The following KCNIP4 variants were observed in gnomAD, a reference collection of about 807,000 sequenced individuals.
The protein encoded by KCNIP4 is potassium voltage-gated channel interacting protein 4.
In KCNIP4, 12 loss-of-function variants were observed where a neutral mutation model predicts 34.0. That is an observed-to-expected ratio of 0.35 (90% CI 0.23 to 0.57). The LOEUF (loss-of-function observed/expected upper bound fraction) is 0.57. Among genes scored for constraint, KCNIP4 ranks in the 20% least tolerant of loss-of-function variants. The pLI, the probability that KCNIP4 is intolerant of heterozygous loss-of-function variation, is 0.83. For missense variants in KCNIP4, 238 were observed against 311.7 expected (o/e 0.76, Z 1.78); for synonymous variants, 124 against 102.2 (o/e 1.21, Z -1.29).
At chr4:21,070,844 T>G (rs1457342858) in intron 1 of KCNIP4, among the ~76,000 whole-genome samples, 3 of 151,362 alleles carry the variant, frequency 2.0e-5, no homozygotes, top group African/African-American at 7.3e-5. Context: ...CACGGCTAAT[T>G]TTTTGTATTT....
intron 1 of KCNIP4, among the ~76,000 whole-genome samples, chr4:21,147,741 C>T (rs887812066): frequency 1.3e-5 from 2 of 151,626 alleles, no homozygotes; most frequent in Non-Finnish European, 2.9e-5. Context: ...GAGTTCGAGA[C>T]CAGCCTGACC....
At chr4:21,375,042 A>T (rs776732582) in intron 1 of KCNIP4, among the ~76,000 whole-genome samples, 1 of 147,874 alleles carries the variant, frequency 6.8e-6, no homozygotes, top group African/African-American at 2.7e-5. Flanking sequence ...TAGGGGAACA[A>T]AAAGCATTTA....
intron 1 of KCNIP4, among the ~76,000 whole-genome samples, chr4:21,753,689 T>C (rs1424266195): frequency 1.3e-5 from 2 of 152,160 alleles, no homozygotes; most frequent in Non-Finnish European, 2.9e-5. Flanking sequence ...AAGCCCGGAC[T>C]CGTCTTCGAA....
At chr4:21,842,587 A>T (rs1317621732) in intron 1 of KCNIP4, among the ~76,000 whole-genome samples, 1 of 152,132 alleles carries the variant, frequency 6.6e-6, no homozygotes, top group East Asian at 1.9e-4. Flanking sequence ...TTTATGTACA[A>T]ATATTTTAAC....
intron 1 of KCNIP4, among the ~76,000 whole-genome samples, chr4:20,897,361 T>G (rs1346692162): frequency 1.3e-5 from 2 of 152,058 alleles, no homozygotes; most frequent in Admixed American, 1.3e-4. Flanking sequence ...CCTTACCTCC[T>G]TCAGGTCTTT....
intron 1 of KCNIP4, among the ~76,000 whole-genome samples, chr4:21,863,492 C>T (rs1288608982): frequency 6.6e-6 from 1 of 152,086 alleles, no homozygotes; most frequent in Non-Finnish European, 1.5e-5. Flanking sequence ...CAATCAGTGC[C>T]CTGCCGCTAT....
At chr4:20,892,845 G>C (rs926853771) in intron 1 of KCNIP4, among the ~76,000 whole-genome samples, 1 of 152,166 alleles carries the variant, frequency 6.6e-6, no homozygotes. Context: ...CATGGAAAAG[G>C]CATCAATTTT....
At chr4:20,889,336 T>C in intron 1 of KCNIP4, among the ~76,000 whole-genome samples, 1 of 152,188 alleles carries the variant, frequency 6.6e-6, no homozygotes, top group East Asian at 1.9e-4. Flanking sequence ...TTGTACATTA[T>C]TTTTCATCCT....
intron 1 of KCNIP4, among the ~76,000 whole-genome samples, chr4:21,664,848 T>G (rs1358716646): frequency 6.6e-6 from 1 of 152,242 alleles, no homozygotes; most frequent in Non-Finnish European, 1.5e-5. Context: ...TGGCATTGTT[T>G]TTGCATTAAA....
intron 1 of KCNIP4, among the ~76,000 whole-genome samples, chr4:21,750,636 T>C (rs1351683012): frequency 1.3e-5 from 2 of 152,182 alleles, no homozygotes; most frequent in African/African-American, 4.8e-5. Context: ...AAGAATTAAG[T>C]AGTTTTTATA....
intron 1 of KCNIP4, among the ~76,000 whole-genome samples, chr4:21,236,230 T>C (rs1323120743): frequency 1.3e-5 from 2 of 152,180 alleles, no homozygotes; most frequent in African/African-American, 4.8e-5. Flanking sequence ...AACTTTTTTC[T>C]TTAAAGATCT....
intron 1 of KCNIP4, among the ~76,000 whole-genome samples, chr4:21,033,410 C>T (rs1225959641): frequency 6.6e-6 from 1 of 152,186 alleles, no homozygotes; most frequent in African/African-American, 2.4e-5. Flanking sequence ...AAAAGTCAAG[C>T]AGGGCTATGT....
chr4:21,331,644 C>G (rs1445520387), intron 1 of KCNIP4, among the ~76,000 whole-genome samples: 2 of 106,290 alleles, frequency 1.9e-5, no homozygotes, highest in East Asian at 2.7e-4. Context: ...GTGCTGAATT[C>G]AATAATCAAT....
chr4:21,667,226 C>T (rs1025371277), intron 1 of KCNIP4, among the ~76,000 whole-genome samples: 8 of 152,114 alleles, frequency 5.3e-5, no homozygotes, highest in Admixed American at 3.3e-4. Flanking sequence ...AGGAAAATTC[C>T]GGCTCATCTC....
chr4:20,851,183 T>G (rs1720987573), intron 2 of KCNIP4, among the ~76,000 whole-genome samples: 1 of 152,126 alleles, frequency 6.6e-6, no homozygotes, highest in Non-Finnish European at 1.5e-5. Context: ...TTCTTCCTGA[T>G]CCTCTCCCTC....
At chr4:21,830,163 A>T (rs1367839107) in intron 1 of KCNIP4, among the ~76,000 whole-genome samples, 2 of 152,154 alleles carry the variant, frequency 1.3e-5, no homozygotes, top group Non-Finnish European at 1.5e-5. Flanking sequence ...TTTTCCACAA[A>T]TATAAATCAA....
intron 1 of KCNIP4, among the ~76,000 whole-genome samples, chr4:21,291,150 T>G (rs1390274236): frequency 6.6e-6 from 1 of 152,170 alleles, no homozygotes; most frequent in Non-Finnish European, 1.5e-5. Context: ...TGTCCCTCCT[T>G]CTGCCTCTGT....
chr4:20,811,167 C>T (rs1715701612), intron 3 of KCNIP4, among the ~76,000 whole-genome samples: 1 of 152,192 alleles, frequency 6.6e-6, no homozygotes, highest in South Asian at 2.1e-4. Context: ...TCAAACCTAT[C>T]TTAGAGGCTT....
chr4:21,535,751 T>C (rs576205763), intron 1 of KCNIP4, among the ~76,000 whole-genome samples: 182 of 152,364 alleles, frequency 1.2e-3, no homozygotes, highest in African/African-American at 4.2e-3. Context: ...ACTTTTGGAA[T>C]GTATCCTAAT....
Sources: gnomAD v4.1 joint callset for allele counts (sites outside exome capture counted in the v4.1 genomes callset) on GRCh38, gnomAD v4.1.1 for gene constraint, MANE v1.5 for transcripts, NCBI Gene and HGNC (gene_info 2026-07-23, HGNC 2026-07-21) for gene names.